The following CCDC122 variants were observed in gnomAD, a reference collection of about 807,000 sequenced individuals.
CCDC122 encodes the protein coiled-coil domain containing 122.
CCDC122 carries 38 observed loss-of-function variants against 37.0 expected under a neutral mutation model. The observed-to-expected ratio is 1.03, with a 90% CI of 0.79 to 1.35. The LOEUF is 1.35. Among genes scored for constraint, CCDC122 ranks in the 40% most tolerant of loss-of-function variants. The pLI, the probability that CCDC122 is intolerant of heterozygous loss-of-function variation, is 0.00. For synonymous variants in CCDC122, 83 were observed against 95.6 expected (o/e 0.87, Z 0.77); for missense variants, 305 against 310.0 (o/e 0.98, Z 0.12).
intron 2 of CCDC122, among the ~76,000 whole-genome samples, chr13:43,872,766 G>T (rs957575492): frequency 2.6e-5 from 4 of 151,972 alleles, no homozygotes; most frequent in African/African-American, 9.7e-5. Context: ...TTGGTCAAAC[G>T]TATTATTCTG....
chr13:43,848,285 C>G (rs1397941823), intron 6 of CCDC122, among the ~76,000 whole-genome samples: 1 of 152,190 alleles, frequency 6.6e-6, no homozygotes, highest in African/African-American at 2.4e-5. Context: ...AAAATTTAGG[C>G]AAGAGTAAGC....
chr13:43,837,384 G>T lies in CCDC122; in HGVS notation c.718C>A (p.Gln240Lys). The change falls in exon 7 of 7, where the codon CAG (glutamine) becomes AAG (lysine). Residue 240 changes from glutamine to lysine, a missense_variant. Physicochemically the swap from Gln to Lys is moderately conservative, Grantham distance 53. Transcript: ENST00000444614. ...CTATTTGACTGAAGCTTGTTCACCT[G>T]ACAATGCAAACGCTTAAGAATTGCA... ...YDAILKRLHCQVNKLQSNRRQ... is the reference protein window; with the variant it reads ...YDAILKRLHCKVNKLQSNRRQ... The T allele has an allele frequency of 6.2e-7, 1 of 1,613,978 alleles. No homozygotes were observed. Among genetic ancestry groups the T allele is most frequent in the Non-Finnish European group, 8.5e-7 (1 of 1,179,954 alleles).
intron 6 of CCDC122, among the ~76,000 whole-genome samples, chr13:43,839,269 C>T (rs1379501234): frequency 6.6e-6 from 1 of 152,178 alleles, no homozygotes; most frequent in Non-Finnish European, 1.5e-5. Context: ...ACTTAACCCT[C>T]GGCAACCATG....
At chr13:43,862,068 G>A (rs1029412839) in intron 4 of CCDC122, among the ~76,000 whole-genome samples, 13 of 152,058 alleles carry the variant, frequency 8.5e-5, no homozygotes, top group African/African-American at 3.1e-4. Flanking sequence ...CCCCCAACTA[G>A]TCTGTGTATA....
chr13:43,833,266 T>C (rs1331765548), downstream of CCDC122, among the ~76,000 whole-genome samples: 1 of 152,226 alleles, frequency 6.6e-6, no homozygotes, highest in Non-Finnish European at 1.5e-5. Context: ...CTTGCATTTG[T>C]TACCTTTTAC....
chr13:43,829,870 T>C (rs1323850465), intron 3 of CCDC122, among the ~76,000 whole-genome samples: 1 of 152,142 alleles, frequency 6.6e-6, no homozygotes, highest in African/African-American at 2.4e-5. Context: ...TTTCAGAATC[T>C]AGATTTATTT....
At chr13:43,844,505 T>A (rs1175524567) in intron 6 of CCDC122, among the ~76,000 whole-genome samples, 1 of 152,026 alleles carries the variant, frequency 6.6e-6, no homozygotes, top group East Asian at 1.9e-4. Flanking sequence ...GTTAATTAGG[T>A]TAAGTTGATG....
intron 5 of CCDC122, among the ~76,000 whole-genome samples, 160 bp downstream of exon 5, chr13:43,859,512 G>C (rs1272134465): frequency 6.6e-6 from 1 of 151,956 alleles, no homozygotes; most frequent in Non-Finnish European, 1.5e-5. Context: ...TATAACACAT[G>C]TACTTATTCC....
At chr13:43,855,074 GA>G (rs1953862029) in intron 6 of CCDC122, 1 of 152,026 alleles carries the variant, frequency 6.6e-6, no homozygotes, top group Non-Finnish European at 1.5e-5. Flanking sequence ...AAAAGACAAG[GA>G]TCCCCTCTCT....
intron 6 of CCDC122, among the ~76,000 whole-genome samples, chr13:43,853,838 C>G (rs1455687875): frequency 2.0e-5 from 3 of 152,144 alleles, no homozygotes; most frequent in Non-Finnish European, 4.4e-5. Context: ...GAAATTCACC[C>G]AAAACCACAC....
chr13:43,844,630 T>C (rs1273240228), intron 6 of CCDC122, among the ~76,000 whole-genome samples: 2 of 152,088 alleles, frequency 1.3e-5, no homozygotes, highest in Middle Eastern at 3.2e-3. Flanking sequence ...TTTTCTTTGG[T>C]TCTGTTTGTT....
At chr13:43,861,282 A>G (rs1259218133) in intron 4 of CCDC122, among the ~76,000 whole-genome samples, 1 of 152,216 alleles carries the variant, frequency 6.6e-6, no homozygotes, top group African/African-American at 2.4e-5. Flanking sequence ...TTCAGTCACA[A>G]CTGATAACAC....
downstream of CCDC122, among the ~76,000 whole-genome samples, chr13:43,831,644 T>G (rs1055718804): frequency 6.6e-6 from 1 of 152,220 alleles, no homozygotes; most frequent in Non-Finnish European, 1.5e-5. Flanking sequence ...CTTTGTGCTA[T>G]GTGAGTGAGT....
At chr13:43,846,194 C>T (rs920415994) in intron 6 of CCDC122, among the ~76,000 whole-genome samples, 1 of 152,118 alleles carries the variant, frequency 6.6e-6, no homozygotes. Flanking sequence ...CCAGCCTCAG[C>T]CTCCTGAGTA....
intron 1 of CCDC122, among the ~76,000 whole-genome samples, chr13:43,876,478 G>A (rs1407786681): frequency 6.6e-6 from 1 of 152,150 alleles, no homozygotes; most frequent in Non-Finnish European, 1.5e-5. Context: ...AATTAAAATG[G>A]AGAGGCGCAG....
intron 6 of CCDC122, chr13:43,854,246 C>T (rs1398780607): frequency 3.3e-5 from 5 of 151,742 alleles, no homozygotes; most frequent in African/African-American, 9.7e-5. Context: ...GCTAGACTAA[C>T]ACAGAATAGA....
At position 43,874,838 on chromosome 13, in the gene CCDC122, A is replaced by G. The variant is rs1468945048; in HGVS notation, c.-114+4T>C. 1.3e-5 allele frequency: 2 copies of G among 152,320 alleles called. No individual in the cohort carries two copies. The highest frequency in any genetic ancestry group is 4.8e-5 in the African/African-American group (2 of 41,466). The allele number at this position is 152,320 out of a possible 1,614,324, so 9.4% of individuals were successfully genotyped here. ...AATTGAATAATTAAAAATAAACTGT[A>G]TACCTATTATACACCAGTACCGCTG... On this transcript the variant is annotated splice_donor_region_variant and intron_variant, in intron 2 of 6. Coordinates refer to ENST00000444614, the MANE Select transcript of CCDC122 (RefSeq NM_144974.5).
At chr13:43,828,362 G>C (rs1160017871) in intron 3 of CCDC122, among the ~76,000 whole-genome samples, 2 of 152,164 alleles carry the variant, frequency 1.3e-5, no homozygotes, top group African/African-American at 4.8e-5. Flanking sequence ...CGAGCCTAAT[G>C]AATGAGAATA....
chr13:43,856,305 T>C (rs1953904447), intron 6 of CCDC122: 2 of 152,238 alleles, frequency 1.3e-5, no homozygotes, highest in Non-Finnish European at 2.9e-5. Context: ...TTTACCTATA[T>C]AACAAACCTG....
Sources: allele counts gnomAD v4.1 joint callset (sites outside exome capture counted in the v4.1 genomes callset), GRCh38; gene constraint gnomAD v4.1.1; transcripts MANE v1.5; gene names NCBI Gene and HGNC (gene_info 2026-07-23, HGNC 2026-07-21).